The following PTPRK variants were observed in gnomAD, a reference collection of about 807,000 sequenced individuals.
The protein encoded by PTPRK is protein tyrosine phosphatase receptor type K, also known as receptor-type tyrosine-protein phosphatase kappa.
Under a neutral mutation model 178.0 loss-of-function variants are expected in PTPRK, and 75 were observed. The observed-to-expected ratio is 0.42, with a 90% confidence interval of 0.35 to 0.51. The LOEUF is 0.51. Among genes scored for constraint, PTPRK ranks in the 20% least tolerant of loss-of-function variants. PTPRK has a pLI of 0.02. For synonymous variants in PTPRK, 637 were observed against 620.6 expected (o/e 1.03, Z -0.39); for missense variants, 1,441 against 1,797.8 (o/e 0.80, Z 3.59).
At position 127,998,372 on chromosome 6, in the gene PTPRK, A is replaced by T. The variant is rs549869407; in HGVS notation, c.2679+348T>A. On this transcript the variant is annotated intron_variant, in intron 16 of 29. Coordinates refer to ENST00000368226, the MANE Select transcript of PTPRK (RefSeq NM_002844.4). ...CTGCTACTTGATTCATTCAAATGAT[A>T]GAATCTGCAATGGAACAATGGGACC... Among the ~76,000 whole-genome samples, 24 of 152,226 alleles carry T rather than the reference A, an allele frequency of 1.6e-4. No individual in the cohort carries two copies. In the East Asian group the frequency reaches 4.5e-3, roughly 28 times the overall value.
intron 13 of PTPRK, among the ~76,000 whole-genome samples, chr6:128,015,690 T>C (rs925726135): frequency 2.0e-5 from 3 of 151,814 alleles, no homozygotes; most frequent in African/African-American, 7.3e-5. Context: ...TGAGACACTT[T>C]CATTCATATA....
intron 7 of PTPRK, among the ~76,000 whole-genome samples, chr6:128,131,680 T>C (rs17055362): frequency 0.025 from 3,873 of 152,306 alleles, 74 homozygotes; most frequent in Middle Eastern, 0.095. Flanking sequence ...TGTATCATTG[T>C]GCTTGTTTTA....
In PTPRK at chr6:128,106,929, A is replaced by G. The variant is rs186586384; in HGVS notation, c.1163-16937T>C. Among the ~76,000 whole-genome samples the G allele has an allele frequency of 5.9e-5, 9 of 152,244 alleles. 1 individual carries two copies. The East Asian group carries it at 1.7e-3, about 29-fold the overall frequency. ...ATTTTTTTGTAAAGGTAAATAAAAAAGAATTTGGTAAGTATAAATGATCTG... is the reference window on the plus strand; with the variant it reads ...ATTTTTTTGTAAAGGTAAATAAAAAGGAATTTGGTAAGTATAAATGATCTG... On this transcript the variant is annotated intron_variant, in intron 7 of 29. Coordinates refer to ENST00000368226, the MANE Select transcript of PTPRK (RefSeq NM_002844.4).
intron 18 of PTPRK, among the ~76,000 whole-genome samples, chr6:127,994,410 G>A (rs1776919812): frequency 6.6e-6 from 1 of 151,766 alleles, no homozygotes; most frequent in Non-Finnish European, 1.5e-5. Context: ...GAAGTTTAAA[G>A]AGTGCTAAAT....
chr6:128,034,585 T>G (rs1775899092), intron 13 of PTPRK, among the ~76,000 whole-genome samples: 2 of 152,310 alleles, frequency 1.3e-5, no homozygotes, highest in Middle Eastern at 3.4e-3. Flanking sequence ...ACTCCAAGGT[T>G]GTAAACCTAT....
At chr6:128,427,371 T>C (rs1844275596) in intron 1 of PTPRK, among the ~76,000 whole-genome samples, 1 of 152,198 alleles carries the variant, frequency 6.6e-6, no homozygotes, top group South Asian at 2.1e-4. Context: ...ACCACTCCCT[T>C]GCCTGCCTTC....
At chr6:128,362,419 T>C (rs751270869) in intron 2 of PTPRK, among the ~76,000 whole-genome samples, 4 of 152,170 alleles carry the variant, frequency 2.6e-5, no homozygotes, top group Non-Finnish European at 4.4e-5. Context: ...CAGGGATATA[T>C]ATCCAAATTA....
Position 128,214,203 on chromosome 6 carries a change from T to C in PTPRK, c.868+4719A>G, listed in dbSNP as rs181431580. 4.1e-4 allele frequency among the ~76,000 whole-genome samples: 63 copies of C among 152,284 alleles called. 1 individual carries two copies. Among genetic ancestry groups the C allele is most frequent in the Non-Finnish European group, 7.9e-4 (54 of 67,996 alleles). On this transcript the variant is annotated intron_variant, in intron 6 of 29. Transcript: ENST00000368226. ...CTGAAAAGTTCTAATAGGTTTTGAA[T>C]GCTTTCCTTCTTCATATGCATAGTA...
chr6:128,039,057 T>C (rs892252415), intron 13 of PTPRK, among the ~76,000 whole-genome samples: 3 of 152,216 alleles, frequency 2.0e-5, no homozygotes, highest in African/African-American at 7.2e-5. Context: ...GATTTGGCTG[T>C]AATTATTTAA....
intron 7 of PTPRK, among the ~76,000 whole-genome samples, chr6:128,125,602 CTTTTTT>C (rs869038931): frequency 2.9e-4 from 20 of 68,380 alleles, no homozygotes; most frequent in African/African-American, 8.5e-4. Flanking sequence ...TTGGGCTTTT[CTTTTTT>C]TTTTTTTTTT....
intron 4 of PTPRK, among the ~76,000 whole-genome samples, chr6:128,241,731 C>A (rs913375870): frequency 2.0e-5 from 3 of 151,614 alleles, no homozygotes; most frequent in African/African-American, 7.2e-5. Context: ...CCTCTAAGGG[C>A]ATAACAAAAC....
chr6:128,448,576 T>C (rs191781767), intron 1 of PTPRK, among the ~76,000 whole-genome samples: 211 of 152,308 alleles, frequency 1.4e-3, no homozygotes, highest in Non-Finnish European at 2.5e-3. Flanking sequence ...TTACTGGAAA[T>C]AATTTATGCA....
Position 127,981,977 on chromosome 6 carries a change from C to CT in PTPRK, c.3538-689dup, listed in dbSNP as rs758289861. ...ATCTCAACCTCCTGAGTAGCTGGGACTACAGGCATGCACCACCACACCCGG... is the reference window on the plus strand; with the variant it reads ...ATCTCAACCTCCTGAGTAGCTGGGACTTACAGGCATGCACCACCACACCCGG... On this transcript the variant is annotated intron_variant, in intron 24 of 29. Coordinates refer to ENST00000368226, the MANE Select transcript of PTPRK (RefSeq NM_002844.4). Among the ~76,000 whole-genome samples the CT allele has an allele frequency of 2.6e-5, 4 of 152,160 alleles. No homozygotes were observed. In the East Asian group the frequency reaches 7.8e-4, roughly 29 times the overall value.
At chr6:128,313,831 T>TA (rs1827600952) in intron 3 of PTPRK, among the ~76,000 whole-genome samples, 1 of 151,986 alleles carries the variant, frequency 6.6e-6, no homozygotes, top group Non-Finnish European at 1.5e-5. Flanking sequence ...GAGTAAACAG[T>TA]AAAAAAGACT....
At chr6:128,300,563 A>T (rs573570054) in intron 3 of PTPRK, among the ~76,000 whole-genome samples, 1,533 of 152,136 alleles carry the variant, frequency 0.01, 31 homozygotes, top group African/African-American at 0.035. Context: ...CTTTGTAGGG[A>T]CATGGATGAA....
At chr6:128,242,749 T>G in intron 3 of PTPRK, 147 bp from the exon 4 acceptor site, 1 of 1,258,356 alleles carries the variant, frequency 7.9e-7, no homozygotes, top group Admixed American at 3.0e-5. Context: ...AGTAATTTCC[T>G]AACTCTTGTA....
rs143415646 is a variant in PTPRK at position 128,048,048 on chromosome 6, G to T, written c.2194+16710C>A. On this transcript the variant is annotated intron_variant, in intron 13 of 29. Transcript: ENST00000368226. ...TCCCACCTCTCTGTTTATAAATCAGGAAGGAAAACATTTCTTTGAAGTCCT... is the reference window on the plus strand; with the variant it reads ...TCCCACCTCTCTGTTTATAAATCAGTAAGGAAAACATTTCTTTGAAGTCCT... 3.2e-3 allele frequency among the ~76,000 whole-genome samples: 489 copies of T among 152,214 alleles called. 2 individuals carry two copies. Among genetic ancestry groups the T allele is most frequent in the African/African-American group, 0.011 (466 of 41,538 alleles).
chr6:128,061,719 C>T (rs1482831442), intron 13 of PTPRK, among the ~76,000 whole-genome samples: 2 of 152,128 alleles, frequency 1.3e-5, no homozygotes, highest in African/African-American at 4.8e-5. Context: ...ACTGAAGATG[C>T]ACCTCGTCTG....
At chr6:128,414,738 TTTA>T (rs1349378301) in intron 1 of PTPRK, among the ~76,000 whole-genome samples, 1 of 152,206 alleles carries the variant, frequency 6.6e-6, no homozygotes, top group Non-Finnish European at 1.5e-5. Context: ...CCTAAACGGT[TTTA>T]TTAAGTCACA....
Sources: allele counts gnomAD v4.1 joint callset (sites outside exome capture counted in the v4.1 genomes callset), GRCh38; gene constraint gnomAD v4.1.1; transcripts MANE v1.5; gene names NCBI Gene and HGNC (gene_info 2026-07-23, HGNC 2026-07-21).